Variants in SOX30 observed in about 807,000 individuals in gnomAD.
SOX30 encodes the protein transcription factor SOX-30.
In SOX30, 17 loss-of-function variants were observed where a neutral mutation model predicts 58.6. That is an observed-to-expected ratio of 0.29 (90% CI 0.20 to 0.44). SOX30 has a LOEUF of 0.44. Among genes scored for constraint, SOX30 ranks in the 20% least tolerant of loss-of-function variants. The pLI, the probability that SOX30 is intolerant of heterozygous loss-of-function variation, is 1.00. For synonymous variants in SOX30, 421 were observed against 400.2 expected, an observed-to-expected ratio of 1.05 and a Z score of -0.62; for missense variants, 951 against 965.8, an observed-to-expected ratio of 0.98 and a Z score of 0.20.
upstream of SOX30, among the ~76,000 whole-genome samples, chr5:157,654,229 C>G (rs374596580): frequency 6.6e-6 from 1 of 151,122 alleles, no homozygotes; most frequent in Non-Finnish European, 1.5e-5. Context: ...TTTCATCTAT[C>G]AATATTTACC....
At chr5:157,632,604 C>T (rs1758839646) in intron 4 of SOX30, among the ~76,000 whole-genome samples, 1 of 151,996 alleles carries the variant, frequency 6.6e-6, no homozygotes, top group Admixed American at 6.6e-5. Flanking sequence ...GAGCGAAACT[C>T]CATCTCAAAA....
exon 1 of SOX30, chr5:157,671,345 C>T: frequency 1.9e-6 from 1 of 512,824 alleles, no homozygotes; most frequent in Non-Finnish European, 3.5e-6. Flanking sequence ...CCCACTTCTT[C>T]CAGACCCGTC....
chr5:157,649,607 T>C (rs1374352193), intron 1 of SOX30, among the ~76,000 whole-genome samples: 1 of 151,880 alleles, frequency 6.6e-6, no homozygotes, highest in African/African-American at 2.4e-5. Context: ...CTGGCCAACA[T>C]GATGAAACCC....
chr5:157,638,436 T>C lies in SOX30; in HGVS notation c.1674A>G (p.Ala558=). Residue 558 remains alanine (A), a synonymous_variant, in exon 4 of 5, where the codon GCA becomes GCG. Transcript: ENST00000265007. ...CCCTAGGAGGTTGGATGGTCGAAGT[T>C]GCAAATCTGGCATGGGCAGTACTTG... ...SSASTAHARF[A]TSTIQPPREY... 1 of 1,614,076 alleles carries C rather than the reference T, an allele frequency of 6.2e-7. No homozygotes were observed. The highest frequency in any genetic ancestry group is 8.5e-7 in the Non-Finnish European group (1 of 1,179,980).
At chr5:157,667,788 A>G in intron 2 of SOX30, 3 of 1,534,886 alleles carry the variant, frequency 2.0e-6, no homozygotes, top group Non-Finnish European at 2.6e-6. Context: ...ACACACACAC[A>G]CATACAAACC....
At chr5:157,669,702 A>G (rs1759740901) in intron 1 of SOX30, among the ~76,000 whole-genome samples, 1 of 151,840 alleles carries the variant, frequency 6.6e-6, no homozygotes, top group Admixed American at 6.6e-5. Context: ...TTTTTAGTAT[A>G]AACGGGGTTT....
Position 157,626,590 on chromosome 5 carries a change from G to T in SOX30, c.2012C>A (p.Ser671Tyr), listed in dbSNP as rs536800017. ...GCATTCACTTGAGTAGTCTCTAAAA[G>T]AATAGTCTCTATTTAAAGTTGAAAA... ...GIFSTLNRDY[S>Y]FRDYSSECTH... The change falls in exon 5 of 5, where the codon TCT becomes TAT. Residue 671 changes from serine (S) to tyrosine (Y), a missense_variant. Physicochemically the swap from Ser to Tyr is moderately radical, Grantham distance 144. Around this residue, in one of 7 missense-constraint regions of SOX30, gnomAD observed 381 missense variants for 390.0 expected, o/e 0.98. Transcript: ENST00000265007. 5.6e-6 allele frequency: 9 copies of T among 1,614,124 alleles called. No homozygotes were observed. The East Asian group carries it at 1.6e-4, about 28-fold the overall frequency.
At chr5:157,665,901 CT>C (rs67520310) in intron 2 of SOX30, among the ~76,000 whole-genome samples, 11,166 of 130,210 alleles carry the variant, frequency 0.086, 1,064 homozygotes, top group African/African-American at 0.27. Context: ...AGGATATTCC[CT>C]TTTTTTTTTT....
intron 2 of SOX30, among the ~76,000 whole-genome samples, chr5:157,666,852 T>G (rs1005776108): frequency 1.3e-5 from 2 of 152,118 alleles, no homozygotes; most frequent in Admixed American, 6.5e-5. Flanking sequence ...ATTACAGGCA[T>G]GCACCACTAC....
chr5:157,642,527 G>A (rs1759092105), intron 3 of SOX30, among the ~76,000 whole-genome samples: 2 of 151,914 alleles, frequency 1.3e-5, no homozygotes, highest in African/African-American at 4.8e-5. Context: ...AAGGCTGATA[G>A]AGATTAAAAT....
chr5:157,653,996 G>A (rs185745153), upstream of SOX30, among the ~76,000 whole-genome samples: 587 of 151,956 alleles, frequency 3.9e-3, 3 homozygotes, highest in African/African-American at 0.013. Context: ...GTGGAACCTC[G>A]TCTCTACTAA....
At chr5:157,636,688 A>C (rs2113837311) in intron 4 of SOX30, among the ~76,000 whole-genome samples, 1 of 152,302 alleles carries the variant, frequency 6.6e-6, no homozygotes, top group East Asian at 1.9e-4. Flanking sequence ...ATACCTCAAA[A>C]GTTGTTTCTA....
chr5:157,641,928 T>C (rs1180705037), intron 3 of SOX30, among the ~76,000 whole-genome samples: 1 of 152,194 alleles, frequency 6.6e-6, no homozygotes, highest in Admixed American at 6.5e-5. Context: ...ATTTACTGAA[T>C]ATCTTAATGT....
upstream of SOX30, among the ~76,000 whole-genome samples, chr5:157,653,443 C>T (rs1218663490): frequency 2.6e-5 from 4 of 151,724 alleles, no homozygotes; most frequent in Non-Finnish European, 5.9e-5. Flanking sequence ...ATATAGTACT[C>T]AATAAATACT....
intron 2 of SOX30, among the ~76,000 whole-genome samples, chr5:157,659,651 G>A (rs572747913): frequency 1.9e-4 from 29 of 152,274 alleles, no homozygotes; most frequent in Non-Finnish European, 1.5e-4. Context: ...GGACATCCCC[G>A]TGACACAGCC....
At position 157,668,474 on chromosome 5, in the gene SOX30, T is replaced by A. The variant is rs144848922; in HGVS notation, c.-3-622A>T. Among the ~76,000 whole-genome samples, 363 of 152,058 alleles carry A rather than the reference T, an allele frequency of 2.4e-3. 3 individuals are homozygous for A. Among genetic ancestry groups the A allele is most frequent in the African/African-American group, 8.5e-3 (351 of 41,462 alleles). The stretch of plus-strand genomic sequence containing the variant: ...TGATCCCAAAGTTCTGACATATCTG[T>A]CTCATCCATCCATCCATTCATCCAT... On this transcript the variant is annotated intron_variant, in intron 1 of 5. Coordinates refer to the SOX30 transcript ENST00000519442.
Position 157,638,286 on chromosome 5 carries a change from T to C in SOX30, c.1824A>G (p.Pro608=). The C allele has an allele frequency of 5.1e-6, 8 of 1,578,162 alleles. No individual in the cohort carries two copies. The Admixed American group carries it at 1.1e-4, about 22-fold the overall frequency. Residue 608 remains proline, a synonymous_variant, in exon 4 of 5, where the codon CCA becomes CCG. Transcript: ENST00000265007. ...GHPATLFGTP[P]RFSFHHPYFL... ...AGTAAGGGTGATGAAAAGAGAATCTTGGTGGTGTCCCGAACAGTGTGGCTG... is the reference window on the plus strand; with the variant it reads ...AGTAAGGGTGATGAAAAGAGAATCTCGGTGGTGTCCCGAACAGTGTGGCTG...
chr5:157,647,600 G>A (rs982250686), intron 2 of SOX30, among the ~76,000 whole-genome samples: 2 of 151,950 alleles, frequency 1.3e-5, no homozygotes, highest in African/African-American at 4.8e-5. Flanking sequence ...TGCCGCCCAG[G>A]CTGGAGTGCA....
chr5:157,651,281 C>G lies in SOX30; in HGVS notation c.798G>C (p.Thr266=), dbSNP rs764471345. Reference sequence around the variant, plus strand: ...ACTGGATCCGGGCCCCAGGGGGGACCGTGTGGAGCGTCAAAGGGATCCTAA... The same window carrying G: ...ACTGGATCCGGGCCCCAGGGGGGACGGTGTGGAGCGTCAAAGGGATCCTAA... ...QDLRIPLTLH[T]VPPGARIQFQ... The change falls in exon 1 of 5, where the codon ACG becomes ACC. Residue 266 remains threonine (T), a synonymous_variant. Coordinates refer to ENST00000265007, the MANE Select transcript of SOX30 (RefSeq NM_178424.2). The G allele has an allele frequency of 3.7e-6, 6 of 1,613,940 alleles. No individual in the cohort carries two copies. The highest frequency in any genetic ancestry group is 5.1e-6 in the Non-Finnish European group (6 of 1,180,032).
Sources: gnomAD v4.1 joint callset for allele counts (sites outside exome capture counted in the v4.1 genomes callset) on GRCh38, gnomAD v4.1.1 for gene constraint, gnomAD v4.1.1 regional missense constraint, MANE v1.5 for transcripts, NCBI Gene and HGNC (gene_info 2026-07-23, HGNC 2026-07-21) for gene names.